WDR72: variants seen among roughly 807,000 people sequenced by gnomAD.
WDR72 encodes WD repeat domain 72.
A neutral mutation model predicts 124.2 loss-of-function variants in WDR72; 120 were observed. The observed-to-expected ratio is 0.97, with a 90% CI of 0.83 to 1.12. The LOEUF is 1.12. Ranked by LOEUF, WDR72 falls within the 50% of genes most tolerant of loss-of-function variation. The pLI, the probability that WDR72 is intolerant of heterozygous loss-of-function variation, is 0.00. For synonymous variants in WDR72, 452 were observed against 441.7 expected (o/e 1.02, Z -0.29); for missense variants, 1,387 against 1,278.8 (o/e 1.08, Z -1.29).
intron 18 of WDR72, among the ~76,000 whole-genome samples, chr15:53,570,883 G>C (rs116768472): frequency 0.011 from 1,608 of 152,146 alleles, 36 homozygotes; most frequent in African/African-American, 0.037. Context: ...TACATACTAG[G>C]GAATACTATG....
intron 9 of WDR72, among the ~76,000 whole-genome samples, chr15:53,708,551 C>T (rs1335273462): frequency 1.3e-5 from 2 of 152,054 alleles, no homozygotes; most frequent in Non-Finnish European, 2.9e-5. Flanking sequence ...TGGGCTAAAC[C>T]ACTTGAATTC....
intron 18 of WDR72, among the ~76,000 whole-genome samples, chr15:53,545,244 A>C (rs939785378): frequency 3.3e-5 from 5 of 151,678 alleles, no homozygotes; most frequent in African/African-American, 9.7e-5. Flanking sequence ...GAGGCATCAC[A>C]CTACCTGACT....
chr15:53,715,384 C>G lies in WDR72; in HGVS notation c.340-17G>C, dbSNP rs758092792. 1.2e-6 allele frequency: 2 copies of G among 1,613,868 alleles called. No homozygotes were observed. The highest frequency in any genetic ancestry group is 1.6e-4 in the Middle Eastern group (1 of 6,062). ...GTGGTAATACTACGTACATGGAAAG[C>G]AAAGCAAACATTTAATTATCACTAA... On this transcript the variant is annotated splice_polypyrimidine_tract_variant and intron_variant, in intron 4 of 19. Transcript: ENST00000360509.
intron 3 of WDR72, among the ~76,000 whole-genome samples, chr15:53,717,757 C>T (rs1414310864): frequency 6.6e-6 from 1 of 152,034 alleles, no homozygotes; most frequent in Non-Finnish European, 1.5e-5. Flanking sequence ...TTCCTAAATG[C>T]CATTAGTACT....
At chr15:53,718,686 C>T (rs1027688435) in intron 3 of WDR72, among the ~76,000 whole-genome samples, 7 of 151,388 alleles carry the variant, frequency 4.6e-5, no homozygotes, top group East Asian at 1.9e-4. Context: ...CTGAAGCTGT[C>T]GCCTAAGTTT....
At chr15:53,540,537 A>T (rs1384198141) in intron 18 of WDR72, among the ~76,000 whole-genome samples, 1 of 151,264 alleles carries the variant, frequency 6.6e-6, no homozygotes, top group Non-Finnish European at 1.5e-5. Context: ...TGTAATAATG[A>T]AGACATAACA....
intron 18 of WDR72, among the ~76,000 whole-genome samples, chr15:53,555,231 G>T (rs1292814653): frequency 6.7e-6 from 1 of 150,206 alleles, no homozygotes; most frequent in Non-Finnish European, 1.5e-5. Context: ...AAGGCAGGAA[G>T]TGTAAGTGCG....
intron 11 of WDR72, 99 bp downstream of exon 11, chr15:53,704,889 C>G (rs970798573): frequency 1.1e-5 from 15 of 1,388,032 alleles, no homozygotes; most frequent in Non-Finnish European, 1.5e-5. Flanking sequence ...CAGCAAATGC[C>G]AGCAAATTAT....
intron 15 of WDR72, among the ~76,000 whole-genome samples, chr15:53,614,331 T>C (rs1386951221): frequency 1.3e-5 from 2 of 152,098 alleles, no homozygotes; most frequent in Non-Finnish European, 2.9e-5. Context: ...CTTTGTGAAA[T>C]GGTCACATTT....
At chr15:53,664,606 T>C (rs1448629143) in intron 14 of WDR72, among the ~76,000 whole-genome samples, 1 of 151,490 alleles carries the variant, frequency 6.6e-6, no homozygotes, top group East Asian at 1.9e-4. Flanking sequence ...AAAATACCAT[T>C]AAAATAACAG....
At chr15:53,590,528 G>T (rs377421951) in intron 18 of WDR72, among the ~76,000 whole-genome samples, 2 of 151,902 alleles carry the variant, frequency 1.3e-5, no homozygotes, top group Admixed American at 6.6e-5. Context: ...CCTCAACTGG[G>T]TAACACATTT....
chr15:53,725,351 T>A (rs1412623834), intron 2 of WDR72, among the ~76,000 whole-genome samples: 2 of 152,172 alleles, frequency 1.3e-5, no homozygotes, highest in African/African-American at 2.4e-5. Context: ...CACTCACTGC[T>A]AGTGAGAATG....
chr15:53,762,766 C>T (rs1478991964), upstream of WDR72: 1 of 152,230 alleles, frequency 6.6e-6, no homozygotes, highest in Non-Finnish European at 1.5e-5. Context: ...TAGAGACCCT[C>T]AGCCTCTCTG....
chr15:53,692,534 T>C (rs565112324), intron 13 of WDR72, among the ~76,000 whole-genome samples: 28 of 152,046 alleles, frequency 1.8e-4, no homozygotes, highest in Non-Finnish European at 3.5e-4. Context: ...ATAAAAAGAG[T>C]GGAACAAGAA....
chr15:53,583,464 A>C (rs1365353888), intron 18 of WDR72, among the ~76,000 whole-genome samples: 1 of 152,022 alleles, frequency 6.6e-6, no homozygotes, highest in Non-Finnish European at 1.5e-5. Flanking sequence ...GTCCCTGAGG[A>C]AATTCTGAAA....
At chr15:53,754,449 T>C (rs1411141200) in intron 1 of WDR72, among the ~76,000 whole-genome samples, 1 of 151,876 alleles carries the variant, frequency 6.6e-6, no homozygotes, top group Non-Finnish European at 1.5e-5. Context: ...TTCTAAAACA[T>C]CCTGGCCTCT....
intron 18 of WDR72, among the ~76,000 whole-genome samples, chr15:53,556,860 ACACT>A (rs1893952318): frequency 2.0e-5 from 3 of 152,258 alleles, no homozygotes; most frequent in African/African-American, 4.8e-5. Context: ...GAAAGGTTAC[ACACT>A]CACTAATGTT....
chr15:53,542,844 C>G (rs1186863185), intron 18 of WDR72, among the ~76,000 whole-genome samples: 1 of 92,586 alleles, frequency 1.1e-5, no homozygotes, highest in Non-Finnish European at 2.1e-5. Context: ...GGTTGCAATC[C>G]TAGTCTCTGA....
intron 17 of WDR72, among the ~76,000 whole-genome samples, chr15:53,598,324 T>C (rs189172292): frequency 8.5e-5 from 13 of 152,252 alleles, no homozygotes; most frequent in Admixed American, 7.9e-4. Context: ...GTCTGTCCTC[T>C]GTCAAGCTGA....
Sources: gnomAD v4.1 joint callset for allele counts (sites outside exome capture counted in the v4.1 genomes callset) on GRCh38, gnomAD v4.1.1 for gene constraint, MANE v1.5 for transcripts, NCBI Gene and HGNC (gene_info 2026-07-23, HGNC 2026-07-21) for gene names.